The following UBR4 variants were observed in gnomAD, a reference collection of about 807,000 sequenced individuals.
UBR4 encodes the protein ubiquitin protein ligase E3 component n-recognin 4.
In UBR4, 124 loss-of-function variants were observed where a neutral mutation model predicts 575.6. The observed-to-expected ratio is 0.22, with a 90% CI of 0.19 to 0.25. The LOEUF is 0.25. UBR4 is among the 10% of genes least tolerant of loss of function. The probability of loss-of-function intolerance (pLI) is 1.00; values close to 1 mark genes in which losing one functional copy is unlikely to be tolerated. For synonymous variants in UBR4, 2,455 were observed against 2,473.7 expected, an observed-to-expected ratio of 0.99 and a Z score of 0.22; for missense variants, 4,818 against 6,478.8, an observed-to-expected ratio of 0.74 and a Z score of 8.80.
intron 57 of UBR4, 36 bp downstream of exon 57, chr1:19,141,311 C>A (rs775482333): frequency 8.1e-6 from 13 of 1,613,900 alleles, no homozygotes; most frequent in Admixed American, 5.0e-5. Context: ...CTGTGCAAGG[C>A]CAATGGGCCG....
chr1:19,105,133 T>C lies in UBR4; in HGVS notation c.12560A>G (p.Tyr4187Cys). 1 of 1,614,082 alleles carries C rather than the reference T, an allele frequency of 6.2e-7. No individual in the cohort carries two copies. Among genetic ancestry groups the C allele is most frequent in the Non-Finnish European group, 8.5e-7 (1 of 1,179,998 alleles). Residue 4187 changes from tyrosine (Y) to cysteine (C), a missense_variant, in exon 85 of 106, where the codon TAC (tyrosine) becomes TGC (cysteine). Tyr to Cys is a radical substitution (Grantham distance 194). Coordinates refer to ENST00000375254, the MANE Select transcript of UBR4 (RefSeq NM_020765.3). Reference protein sequence around the residue: ...GECAAEYLALYQKLITSAHWK... With the variant: ...GECAAEYLALCQKLITSAHWK... ...GTGCGCAGAAGTGATGAGCTTCTGG[T>C]AGAGAGCCAGGTACTCAGCTGCACA...
In UBR4 at chr1:19,165,762, G is replaced by A. The variant is rs567455479; in HGVS notation, c.4110-5C>T. The A allele has an allele frequency of 6.2e-7, 1 of 1,608,332 alleles. No homozygotes were observed. Among genetic ancestry groups the A allele is most frequent in the Admixed American group, 1.7e-5 (1 of 58,600 alleles). ...AGGATGGATTCATCCAGTCCACTGA[G>A]GATCAAACGGAAAACTTAACCACCA... On this transcript the variant is annotated splice_region_variant and splice_polypyrimidine_tract_variant and intron_variant, in intron 29 of 105. Coordinates refer to ENST00000375254, the MANE Select transcript of UBR4 (RefSeq NM_020765.3).
Position 19,152,188 on chromosome 1 carries a change from A to T in UBR4, c.6996+125T>A. The T allele has an allele frequency of 7.4e-7, 1 of 1,360,136 alleles. No individual in the cohort carries two copies. Among genetic ancestry groups the T allele is most frequent in the Non-Finnish European group, 1.0e-6 (1 of 992,422 alleles). 84.3% of individuals were successfully genotyped at this position (1,360,136 alleles called of 1,614,324 possible). A position where few individuals can be genotyped will look rare whatever the true frequency, so the allele number is the denominator to read the frequency against. ...CATTTTTCTAAGGAACCATTTAACT[A>T]GAACCGAGGGTTGTGACTGTGAGTA... On this transcript the variant is annotated intron_variant, in intron 47 of 105. Transcript: ENST00000375254. The surrounding 1 kb of genome is among the most constrained non-coding windows in gnomAD (Gnocchi z 4.4).
rs1423355645 is a variant in UBR4, at chr1:19,117,814, G to A, written c.10629+9C>T. On this transcript the variant is annotated intron_variant, in intron 72 of 105. Coordinates refer to ENST00000375254, the MANE Select transcript of UBR4 (RefSeq NM_020765.3). The surrounding 1 kb of genome is among the most constrained non-coding windows in gnomAD (Gnocchi z 4.0). Reference sequence around the variant, plus strand: ...GCCTCAGGACTGTCCATGTACAGATGTTACTTACACAGAACGGTACTTCCG... The same window carrying A: ...GCCTCAGGACTGTCCATGTACAGATATTACTTACACAGAACGGTACTTCCG... 1.2e-6 allele frequency: 2 copies of A among 1,613,768 alleles called. No homozygotes were observed. Among genetic ancestry groups the A allele is most frequent in the Non-Finnish European group, 8.5e-7 (1 of 1,179,634 alleles).
At chr1:19,135,894 T>C (rs1392543286) in intron 60 of UBR4, among the ~76,000 whole-genome samples, 1 of 151,864 alleles carries the variant, frequency 6.6e-6, no homozygotes, top group African/African-American at 2.4e-5. Flanking sequence ...AAGAAATAAA[T>C]CACATATCCT....
intron 105 of UBR4, chr1:19,075,336 C>T (rs2075821223): frequency 1.4e-5 from 3 of 215,492 alleles, no homozygotes; most frequent in Admixed American, 5.2e-5. Flanking sequence ...CCTCCTTCCT[C>T]TGCCCACCTC....
rs546178354 is a variant in UBR4, at chr1:19,077,371, G to A, written c.15325-469C>T. 9.6e-4 allele frequency among the ~76,000 whole-genome samples: 146 copies of A among 152,226 alleles called. 1 individual carries two copies. The highest frequency in any genetic ancestry group is 3.3e-3 in the African/African-American group (139 of 41,534). On this transcript the variant is annotated intron_variant, in intron 104 of 105. Coordinates refer to ENST00000375254, the MANE Select transcript of UBR4 (RefSeq NM_020765.3). ...CGGCAAGAGCAGCAAAGAGAGACCC[G>A]GCGGGGAAGGTCTTCCTGCACAGCC...
At chr1:19,129,533 C>T (rs2082191357) in intron 60 of UBR4, among the ~76,000 whole-genome samples, 1 of 152,186 alleles carries the variant, frequency 6.6e-6, no homozygotes, top group African/African-American at 2.4e-5. Context: ...CTTTCTTTCT[C>T]ACGTTTCCCA....
rs1343815963 is a variant in UBR4 at position 19,084,579 on chromosome 1, G to C, written c.14933C>G (p.Thr4978Ser). 1 of 1,614,116 alleles carries C rather than the reference G, an allele frequency of 6.2e-7. No individual in the cohort carries two copies. The highest frequency in any genetic ancestry group is 1.3e-5 in the African/African-American group (1 of 74,944). ...FAMEQSFSAD[T>S]GGGGRESNIH... ...GTTGCTCTCCCGGCCGCCCCCGCCA[G>C]TGTCTGCGCTGAACGACTGCTCCAT... The change falls in exon 102 of 106, where the codon ACT becomes AGT. Residue 4978 changes from threonine (T) to serine (S), a missense_variant. This residue lies in a region of UBR4 where 196 missense variants were observed against 386.8 expected (regional missense o/e 0.51). Coordinates refer to ENST00000375254, the MANE Select transcript of UBR4 (RefSeq NM_020765.3).
intron 14 of UBR4, among the ~76,000 whole-genome samples, 198 bp from the exon 15 acceptor site, chr1:19,185,484 G>A (rs1242147315): frequency 6.6e-6 from 1 of 151,574 alleles, no homozygotes; most frequent in Non-Finnish European, 1.5e-5. Flanking sequence ...ATCAATAACT[G>A]ATTCAAATGT....
At chr1:19,090,024 T>C (rs1443893603) in intron 97 of UBR4, among the ~76,000 whole-genome samples, 1 of 152,214 alleles carries the variant, frequency 6.6e-6, no homozygotes, top group East Asian at 1.9e-4. Context: ...TAGTTATTAA[T>C]AGGACAGACC....
At chr1:19,198,350 AAT>A (rs1237729116) in intron 5 of UBR4, among the ~76,000 whole-genome samples, 189 bp downstream of exon 5, 1 of 152,246 alleles carries the variant, frequency 6.6e-6, no homozygotes, top group Non-Finnish European at 1.5e-5. Flanking sequence ...TCAAAACAGT[AAT>A]AACCGTGGAC....
chr1:19,148,695 A>G (rs374391426), intron 49 of UBR4, 69 bp from the exon 50 acceptor site: 56 of 1,571,480 alleles, frequency 3.6e-5, no homozygotes, highest in East Asian at 2.2e-4. Context: ...GCCTAAGCAA[A>G]CTATAGTCAT....
chr1:19,112,778 G>T lies in UBR4; in HGVS notation c.11547C>A (p.Pro3849=), dbSNP rs1188564923. ...CACGGTACTGGCTGGCAGTGAATGT[G>T]GGCTGCACGGAGGTCCGGGATGATT... The part of the protein sequence containing the change: ...ATKSSRTSVQ[P]TFTASQYRAL... The change falls in exon 78 of 106, where the codon CCC becomes CCA. Residue 3849 remains proline (P), a synonymous_variant. Coordinates refer to ENST00000375254, the MANE Select transcript of UBR4 (RefSeq NM_020765.3). The T allele has an allele frequency of 6.2e-7, 1 of 1,614,108 alleles. No individual in the cohort carries two copies. Among genetic ancestry groups the T allele is most frequent in the African/African-American group, 1.3e-5 (1 of 74,948 alleles).
At chr1:19,123,940 G>A (rs940322667) in intron 65 of UBR4, among the ~76,000 whole-genome samples, 4 of 152,186 alleles carry the variant, frequency 2.6e-5, no homozygotes, top group Non-Finnish European at 5.9e-5. Flanking sequence ...TTTGCCAGCT[G>A]GCTCCCTCTT....
In UBR4 at chr1:19,151,387, G is replaced by C. The variant is rs2085680245; in HGVS notation, c.7213+256C>G. On this transcript the variant is annotated intron_variant, in intron 48 of 105. Transcript: ENST00000375254. Reference sequence around the variant, plus strand: ...TAAACACAGAAGTAGCCCCATTAGTGAGGTGGACACAACACTATTGAAATG... The same window carrying C: ...TAAACACAGAAGTAGCCCCATTAGTCAGGTGGACACAACACTATTGAAATG... 10 of 565,338 alleles carry C rather than the reference G, an allele frequency of 1.8e-5. No homozygotes were observed. In the East Asian group the frequency reaches 3.1e-4, roughly 18 times the overall value. 35.0% of individuals were successfully genotyped at this position (565,338 alleles called of 1,614,324 possible). A position where few individuals can be genotyped will look rare whatever the true frequency, so the allele number is the denominator to read the frequency against.
At chr1:19,191,096 G>A (rs2092036087) in intron 11 of UBR4, among the ~76,000 whole-genome samples, 1 of 152,100 alleles carries the variant, frequency 6.6e-6, no homozygotes, top group South Asian at 2.1e-4. Flanking sequence ...TACTTACATA[G>A]CTCTGTCACT....
chr1:19,109,977 T>C, intron 81 of UBR4, 119 bp downstream of exon 81: 1 of 1,475,444 alleles, frequency 6.8e-7, no homozygotes, highest in East Asian at 2.3e-5. Context: ...CACTGGAGCC[T>C]CTCAGGGGAG....
chr1:19,141,221 T>C, intron 57 of UBR4, 126 bp downstream of exon 57: 1 of 1,313,188 alleles, frequency 7.6e-7, no homozygotes, highest in East Asian at 2.4e-5. Context: ...TCTGAACAGC[T>C]CTCACCCAGA....
Sources: allele counts gnomAD v4.1 joint callset (sites outside exome capture counted in the v4.1 genomes callset), GRCh38; gene constraint gnomAD v4.1.1; regional missense constraint gnomAD v4.1.1; non-coding constraint Gnocchi (gnomAD v3.1); transcripts MANE v1.5; gene names NCBI Gene and HGNC (gene_info 2026-07-23, HGNC 2026-07-21).